The following RYR2 variants were observed in gnomAD, a reference collection of about 807,000 sequenced individuals.
RYR2 encodes cardiac muscle ryanodine receptor-calcium release channel.
Under a neutral mutation model 601.1 loss-of-function variants are expected in RYR2, and 227 were observed. That is an observed-to-expected ratio of 0.38 (90% CI 0.34 to 0.42). The LOEUF (loss-of-function observed/expected upper bound fraction) is 0.42, where lower values mean the gene tolerates loss of function less well. RYR2 is among the 10% of genes least tolerant of loss of function. RYR2 has a pLI of 1.00. For missense variants in RYR2, 4,646 were observed against 6,156.5 expected (o/e 0.75, Z 8.21); for synonymous variants, 2,223 against 2,175.1 (o/e 1.02, Z -0.61).
intron 75 of RYR2, among the ~76,000 whole-genome samples, 176 bp downstream of exon 75, chr1:237,726,484 A>G (rs1165815254): frequency 6.6e-6 from 1 of 152,114 alleles, no homozygotes; most frequent in Non-Finnish European, 1.5e-5. Context: ...ATTTGTCCCT[A>G]TCTAACAAAA....
At chr1:237,249,634 A>G (rs1460673451) in intron 1 of RYR2, among the ~76,000 whole-genome samples, 1 of 152,154 alleles carries the variant, frequency 6.6e-6, no homozygotes, top group Non-Finnish European at 1.5e-5. Context: ...GAGAGATTTG[A>G]TATTTTTAAC....
At chr1:237,787,965 G>A (rs1282588746) in intron 91 of RYR2, 23 bp from the exon 92 acceptor site, 10 of 1,569,178 alleles carry the variant, frequency 6.4e-6, no homozygotes, top group East Asian at 2.3e-5. Context: ...GAGAGCTTAT[G>A]TTTTGTTTGT....
intron 93 of RYR2, 52 bp downstream of exon 93, chr1:237,791,567 G>C (rs1057260809): frequency 2.2e-6 from 2 of 917,896 alleles, no homozygotes; most frequent in South Asian, 2.8e-5. Context: ...AAATAGAAAT[G>C]AATGTAAAGA....
intron 79 of RYR2, among the ~76,000 whole-genome samples, chr1:237,738,820 T>C (rs1691365671): frequency 6.6e-6 from 1 of 152,186 alleles, no homozygotes. Flanking sequence ...CCTATTCTTA[T>C]CCATTTCACC....
In RYR2 at chr1:237,454,501, A is replaced by G. The variant is rs1282053556; in HGVS notation, c.1403A>G (p.Glu468Gly). The change falls in exon 15 of 105, where the codon GAG becomes GGG. Residue 468 changes from glutamate (E) to glycine (G), a missense_variant. Coordinates refer to ENST00000366574, the MANE Select transcript of RYR2 (RefSeq NM_001035.3). ...DLIGYFHPPDEHLEHEDKQNR... is the reference protein window; with the variant it reads ...DLIGYFHPPDGHLEHEDKQNR... Reference sequence around the variant, plus strand: ...ATTGGCTACTTCCACCCCCCAGATGAGCATTTAGAGCATGAAGACAAACAG... The same window carrying G: ...ATTGGCTACTTCCACCCCCCAGATGGGCATTTAGAGCATGAAGACAAACAG... 3 of 1,613,450 alleles carry G rather than the reference A, an allele frequency of 1.9e-6. No individual in the cohort carries two copies. Among genetic ancestry groups the G allele is most frequent in the Non-Finnish European group, 2.5e-6 (3 of 1,179,684 alleles).
At chr1:237,609,345 TC>T (rs1677545925) in intron 35 of RYR2, among the ~76,000 whole-genome samples, 1 of 64,128 alleles carries the variant, frequency 1.6e-5, no homozygotes, top group Non-Finnish European at 3.1e-5. Context: ...CCTCCATCCC[TC>T]CCTCCCCCCT....
chr1:237,654,222 AAT>A, intron 51 of RYR2, 50 bp from the exon 52 acceptor site: 1 of 1,588,940 alleles, frequency 6.3e-7, no homozygotes, highest in South Asian at 1.2e-5. Flanking sequence ...ATGAAAAAAA[AAT>A]ATAAAAGGTT....
chr1:237,614,928 G>A lies in RYR2; in HGVS notation c.5715+85G>A. On this transcript the variant is annotated intron_variant, in intron 37 of 104. Transcript: ENST00000366574. The surrounding 1 kb of genome is among the most constrained non-coding windows in gnomAD (Gnocchi z 4.3). ...CATGCCTTTGTTTCTTTCTCTGTGT[G>A]TGTGTTTATTTCTTTGCATTCCTGT... 1.5e-6 allele frequency: 2 copies of A among 1,335,352 alleles called. No homozygotes were observed. The highest frequency in any genetic ancestry group is 1.6e-5 in the South Asian group (1 of 64,012). The allele number at this position is 1,335,352 out of a possible 1,614,324, so 82.7% of individuals were successfully genotyped here.
intron 19 of RYR2, among the ~76,000 whole-genome samples, chr1:237,496,113 A>C (rs965131244): frequency 2.6e-5 from 4 of 152,222 alleles, no homozygotes; most frequent in Non-Finnish European, 5.9e-5. Flanking sequence ...TGTTTAAAAT[A>C]GTGAGATGTG....
chr1:237,347,217 G>A (rs1252138668), intron 3 of RYR2, among the ~76,000 whole-genome samples: 1 of 152,104 alleles, frequency 6.6e-6, no homozygotes, highest in Non-Finnish European at 1.5e-5. Flanking sequence ...CAGCTACTCA[G>A]GAGGCTGAGG....
chr1:237,823,037 G>A (rs759505110), intron 101 of RYR2, among the ~76,000 whole-genome samples: 13 of 152,132 alleles, frequency 8.5e-5, no homozygotes, highest in Non-Finnish European at 1.3e-4. Flanking sequence ...CATAAAGCAA[G>A]TTCTTAGAGA....
chr1:237,710,249 A>T (rs1688718543), intron 70 of RYR2, among the ~76,000 whole-genome samples: 1 of 152,208 alleles, frequency 6.6e-6, no homozygotes, highest in Non-Finnish European at 1.5e-5. Context: ...GAATTATTTT[A>T]AAAATTTAGA....
At chr1:237,486,959 G>T (rs542863018) in intron 17 of RYR2, among the ~76,000 whole-genome samples, 57 of 152,094 alleles carry the variant, frequency 3.7e-4, no homozygotes, top group African/African-American at 1.3e-3. Flanking sequence ...ATGTTAAAAG[G>T]TTCTCTCAAA....
At chr1:237,755,674 C>G (rs1692891443) in intron 80 of RYR2, among the ~76,000 whole-genome samples, 1 of 152,170 alleles carries the variant, frequency 6.6e-6, no homozygotes, top group South Asian at 2.1e-4. Flanking sequence ...CAGTACCATG[C>G]AGTATCGTTT....
At chr1:237,414,339 G>A (rs1034136424) in intron 10 of RYR2, among the ~76,000 whole-genome samples, 1 of 152,130 alleles carries the variant, frequency 6.6e-6, no homozygotes, top group African/African-American at 2.4e-5. Flanking sequence ...ATGAAATAAT[G>A]GGTCTAGTCA....
chr1:237,219,703 G>T (rs1683593329), intron 1 of RYR2, among the ~76,000 whole-genome samples: 1 of 152,182 alleles, frequency 6.6e-6, no homozygotes, highest in African/African-American at 2.4e-5. Context: ...TTTCCTCCTG[G>T]ATAAGTGGAG....
intron 2 of RYR2, among the ~76,000 whole-genome samples, chr1:237,296,416 G>T (rs1692785789): frequency 6.6e-6 from 1 of 152,178 alleles, no homozygotes; most frequent in Non-Finnish European, 1.5e-5. Flanking sequence ...AATAGGGATG[G>T]TAGTAAAGAA....
intron 1 of RYR2, among the ~76,000 whole-genome samples, chr1:237,217,851 G>A (rs988978377): frequency 2.6e-5 from 4 of 152,180 alleles, no homozygotes; most frequent in South Asian, 2.1e-4. Flanking sequence ...ATTTGCAGAC[G>A]CAAGCTTTGC....
intron 12 of RYR2, 110 bp from the exon 13 acceptor site, chr1:237,441,209 C>G: frequency 8.8e-7 from 1 of 1,141,662 alleles, no homozygotes. Flanking sequence ...CAGGGGACTT[C>G]AGAGGGCTGA....
Sources: gnomAD v4.1 joint callset for allele counts (sites outside exome capture counted in the v4.1 genomes callset) on GRCh38, gnomAD v4.1.1 for gene constraint, Gnocchi (gnomAD v3.1) non-coding constraint, MANE v1.5 for transcripts, NCBI Gene and HGNC (gene_info 2026-07-23, HGNC 2026-07-21) for gene names.